The following FARSB variants were observed in gnomAD, a reference collection of about 807,000 sequenced individuals.
The protein encoded by FARSB is phenylalanyl-tRNA synthetase subunit beta, also known as phenylalanine--tRNA ligase beta subunit.
Under a neutral mutation model 69.6 loss-of-function variants are expected in FARSB, and 40 were observed. That is an observed-to-expected ratio of 0.57 (90% CI 0.45 to 0.75). The LOEUF (loss-of-function observed/expected upper bound fraction) is 0.75, where lower values mean the gene tolerates loss of function less well. Among genes scored for constraint, FARSB ranks in the 30% least tolerant of loss-of-function variants. The pLI, the probability that FARSB is intolerant of heterozygous loss-of-function variation, is 0.00. For synonymous variants in FARSB, 235 were observed against 247.2 expected (o/e 0.95, Z 0.46); for missense variants, 632 against 722.9 (o/e 0.87, Z 1.44).
intron 3 of FARSB, among the ~76,000 whole-genome samples, chr2:222,642,115 C>T (rs973016951): frequency 1.7e-4 from 26 of 152,002 alleles, no homozygotes; most frequent in African/African-American, 6.3e-4. Context: ...GATTCTGTGC[C>T]TCAGCCTCCT....
At chr2:222,637,097 A>T (rs1240274344) in intron 5 of FARSB, among the ~76,000 whole-genome samples, 1 of 152,252 alleles carries the variant, frequency 6.6e-6, no homozygotes, top group Non-Finnish European at 1.5e-5. Context: ...AAGTAAAATA[A>T]CTGAAGTAAA....
intron 15 of FARSB, among the ~76,000 whole-genome samples, chr2:222,604,722 A>ATTTTTTTTT (rs56201038): frequency 6.1e-4 from 67 of 110,690 alleles, no homozygotes; most frequent in Non-Finnish European, 7.8e-4. Context: ...TGCCCACTGA[A>ATTTTTTTTT]TTTTTTTTTT....
chr2:222,619,695 A>G lies in FARSB; in HGVS notation c.1294T>C (p.Ser432Pro). The G allele has an allele frequency of 6.2e-7, 1 of 1,608,056 alleles. No individual in the cohort carries two copies. Among genetic ancestry groups the G allele is most frequent in the Non-Finnish European group, 8.5e-7 (1 of 1,175,060 alleles). ...DIADKLGVDISATKAVHISNP... is the reference protein window; with the variant it reads ...DIADKLGVDIPATKAVHISNP... ...CTTATGTGGACTGCCTTTGTTGCAGAGATATCCACACCTAGTTTATCAGCA... is the reference window on the plus strand; with the variant it reads ...CTTATGTGGACTGCCTTTGTTGCAGGGATATCCACACCTAGTTTATCAGCA... Residue 432 changes from serine (S) to proline (P), a missense_variant, in exon 14 of 17, where the codon TCT (serine) becomes CCT (proline). By Grantham distance (74) the Ser-to-Pro change is moderately conservative. Coordinates refer to ENST00000281828, the MANE Select transcript of FARSB (RefSeq NM_005687.5).
chr2:222,655,882 C>T (rs1476221727), intron 1 of FARSB, 134 bp downstream of exon 1: 3 of 701,004 alleles, frequency 4.3e-6, no homozygotes, highest in South Asian at 1.6e-5. Context: ...CCATCATCGG[C>T]CTTCCCGCGT....
At chr2:222,580,767 A>C (rs1689946807) in intron 16 of FARSB, among the ~76,000 whole-genome samples, 1 of 152,120 alleles carries the variant, frequency 6.6e-6, no homozygotes, top group Non-Finnish European at 1.5e-5. Context: ...TTTTTCAGAG[A>C]ATGCAATTCA....
intron 15 of FARSB, among the ~76,000 whole-genome samples, chr2:222,611,701 G>A (rs768115459): frequency 1.3e-5 from 2 of 152,072 alleles, no homozygotes; most frequent in Non-Finnish European, 2.9e-5. Flanking sequence ...ATAAGCCTTC[G>A]GGCCAGAAAG....
intron 8 of FARSB, among the ~76,000 whole-genome samples, chr2:222,631,122 T>C (rs1691411519): frequency 6.6e-6 from 1 of 152,134 alleles, no homozygotes; most frequent in South Asian, 2.1e-4. Flanking sequence ...CTAGATAATT[T>C]TGTGTGCATA....
chr2:222,604,944 A>G (rs1245112641), intron 15 of FARSB, among the ~76,000 whole-genome samples: 2 of 148,534 alleles, frequency 1.3e-5, no homozygotes, highest in African/African-American at 2.5e-5. Context: ...GCTATTAAAC[A>G]GGGCCAGGAG....
chr2:222,636,130 C>T (rs995549541), intron 5 of FARSB, among the ~76,000 whole-genome samples: 2 of 150,674 alleles, frequency 1.3e-5, no homozygotes, highest in African/African-American at 4.9e-5. Context: ...GCTTAGGCCG[C>T]ACGCGGTGGC....
rs1199884634 is a variant in FARSB, at chr2:222,570,948, C to T, written c.*923G>A. On this transcript the variant is annotated 3_prime_UTR_variant, in exon 17 of 17. Coordinates refer to ENST00000281828, the MANE Select transcript of FARSB (RefSeq NM_005687.5). Reference sequence around the variant, plus strand: ...AGCTTTTTTCCAGAGATGGTACCTACTGGAGAATTCTAGATTGAAGTAAGA... The same window carrying T: ...AGCTTTTTTCCAGAGATGGTACCTATTGGAGAATTCTAGATTGAAGTAAGA... The T allele has an allele frequency of 2.0e-5, 3 of 152,062 alleles. No individual in the cohort carries two copies. The highest frequency in any genetic ancestry group is 4.8e-5 in the African/African-American group (2 of 41,392). The allele number at this position is 152,062 out of a possible 1,614,324, so 9.4% of individuals were successfully genotyped here. A position where few individuals can be genotyped will look rare whatever the true frequency, so the allele number is the denominator to read the frequency against.
intron 16 of FARSB, among the ~76,000 whole-genome samples, chr2:222,595,621 A>G (rs113306240): frequency 0.013 from 1,921 of 152,322 alleles, 25 homozygotes; most frequent in South Asian, 0.041. Context: ...AGTTAAATTC[A>G]AGTTTTCTGT....
intron 16 of FARSB, among the ~76,000 whole-genome samples, chr2:222,586,822 A>C (rs1021812586): frequency 7.2e-5 from 11 of 152,226 alleles, no homozygotes; most frequent in Non-Finnish European, 1.5e-4. Flanking sequence ...CTAAATATAT[A>C]TGCACCCAAT....
chr2:222,641,099 A>AG (rs1691709123), intron 3 of FARSB, among the ~76,000 whole-genome samples, 168 bp from the exon 4 acceptor site: 1 of 151,848 alleles, frequency 6.6e-6, no homozygotes, highest in Admixed American at 6.6e-5. Context: ...AAAAAAAAAA[A>AG]CTAACAAACT....
chr2:222,598,371 A>G (rs558927421), intron 16 of FARSB, among the ~76,000 whole-genome samples: 2 of 152,322 alleles, frequency 1.3e-5, no homozygotes, highest in South Asian at 2.1e-4. Context: ...ATATTAAGAT[A>G]CCAGTTTACA....
intron 7 of FARSB, among the ~76,000 whole-genome samples, chr2:222,632,494 A>G (rs1691458445): frequency 6.6e-6 from 1 of 152,240 alleles, no homozygotes. Flanking sequence ...TCTCCTTCTC[A>G]TAGCAAATCA....
Position 222,613,816 on chromosome 2 carries a change from T to G in FARSB, c.1457A>C (p.Asn486Thr). 2 of 1,546,432 alleles carry G rather than the reference T, an allele frequency of 1.3e-6. No homozygotes were observed. Among genetic ancestry groups the G allele is most frequent in the Non-Finnish European group, 1.8e-6 (2 of 1,118,242 alleles). Reference sequence around the variant, plus strand: ...CAAAGGTGACTTATTCTTACCTGTATTAGAATCTTTTATTACAATGTCAGA... The same window carrying G: ...CAAAGGTGACTTATTCTTACCTGTAGTAGAATCTTTTATTACAATGTCAGA... Reference protein sequence around the residue: ...EISDIVIKDSNTDVGAKNYRH... With the variant: ...EISDIVIKDSTTDVGAKNYRH... The change falls in exon 15 of 17, where the codon AAT becomes ACT. Residue 486 changes from asparagine to threonine, a missense_variant. By Grantham distance (65) the Asn-to-Thr change is moderately conservative. Coordinates refer to ENST00000281828, the MANE Select transcript of FARSB (RefSeq NM_005687.5).
At chr2:222,643,443 T>A (rs1038340963) in intron 2 of FARSB, among the ~76,000 whole-genome samples, 8 of 152,246 alleles carry the variant, frequency 5.3e-5, no homozygotes, top group African/African-American at 1.4e-4. Context: ...AAATATTTAC[T>A]ATCTGGCCCT....
chr2:222,591,342 G>C (rs935753072), intron 16 of FARSB, among the ~76,000 whole-genome samples: 1 of 152,084 alleles, frequency 6.6e-6, no homozygotes, highest in African/African-American at 2.4e-5. Flanking sequence ...ATCCAGAAAT[G>C]TCAAAAACCT....
intron 14 of FARSB, 36 bp downstream of exon 14, chr2:222,619,609 T>TAGGTGAGAA (rs1473438769): frequency 9.5e-7 from 1 of 1,056,562 alleles, no homozygotes; most frequent in Non-Finnish European, 1.5e-6. Flanking sequence ...TACCTCTAGG[T>TAGGTGAGAA]TTTTACATGA....
Sources: gnomAD v4.1 joint callset for allele counts (sites outside exome capture counted in the v4.1 genomes callset) on GRCh38, gnomAD v4.1.1 for gene constraint, MANE v1.5 for transcripts, NCBI Gene and HGNC (gene_info 2026-07-23, HGNC 2026-07-21) for gene names.